ERG: variants seen among roughly 807,000 people sequenced by gnomAD.
ERG encodes the protein transcriptional regulator ERG.
Under a neutral mutation model 55.3 loss-of-function variants are expected in ERG, and 9 were observed. The observed-to-expected ratio is 0.16, with a 90% CI of 0.10 to 0.28. The LOEUF (loss-of-function observed/expected upper bound fraction) is 0.28, where lower values mean the gene tolerates loss of function less well. Among genes scored for constraint, ERG ranks in the 10% least tolerant of loss-of-function variants. The pLI is 1.00. For missense variants in ERG, 434 were observed against 631.6 expected (o/e 0.69, Z 3.35); for synonymous variants, 223 against 237.3 (o/e 0.94, Z 0.55).
In ERG at chr21:38,381,065, A is replaced by C; in HGVS notation, c.*2338T>G. On this transcript the variant is annotated 3_prime_UTR_variant, in exon 10 of 10. Coordinates refer to ENST00000288319, the MANE Select transcript of ERG (RefSeq NM_182918.4). Reference sequence around the variant, plus strand: ...TTCCCAGGCTGCTGCAAAATGATGGATGGTTGGGCTCCGTCTAATCCAAAT... The same window carrying C: ...TTCCCAGGCTGCTGCAAAATGATGGCTGGTTGGGCTCCGTCTAATCCAAAT... The C allele has an allele frequency of 9.4e-7, 1 of 1,064,684 alleles. No individual in the cohort carries two copies. Among genetic ancestry groups the C allele is most frequent in the Non-Finnish European group, 1.1e-6 (1 of 878,868 alleles). 66.0% of individuals were successfully genotyped at this position (1,064,684 alleles called of 1,614,324 possible). A position where few individuals can be genotyped will look rare whatever the true frequency, so the allele number is the denominator to read the frequency against.
intron 2 of ERG, among the ~76,000 whole-genome samples, chr21:38,515,801 G>A (rs2059547306): frequency 6.6e-6 from 1 of 151,896 alleles, no homozygotes; most frequent in Non-Finnish European, 1.5e-5. Context: ...CAAGTGGGAT[G>A]TATCCCAGAG....
chr21:38,634,384 T>C (rs1281088645), intron 1 of ERG, among the ~76,000 whole-genome samples: 1 of 152,170 alleles, frequency 6.6e-6, no homozygotes, highest in African/African-American at 2.4e-5. Flanking sequence ...AACACAGCTG[T>C]GCATAACGGG....
At chr21:38,504,643 G>C (rs113568484) in intron 2 of ERG, among the ~76,000 whole-genome samples, 2 of 152,158 alleles carry the variant, frequency 1.3e-5, no homozygotes, top group East Asian at 1.9e-4. Flanking sequence ...TGCCCATAAG[G>C]CTTCGTATGC....
intron 2 of ERG, among the ~76,000 whole-genome samples, chr21:38,523,051 T>C (rs908372799): frequency 3.9e-5 from 6 of 152,240 alleles, no homozygotes; most frequent in African/African-American, 1.4e-4. Flanking sequence ...AAAAATGGTT[T>C]CTCAAAGGAG....
chr21:38,498,300 G>A lies in ERG; in HGVS notation c.18+63C>T. Reference sequence around the variant, plus strand: ...CCCTAACTTATCTGCCTTGATAAAGGAAACCAAAGAAAAGAGTAACAAGAA... The same window carrying A: ...CCCTAACTTATCTGCCTTGATAAAGAAAACCAAAGAAAAGAGTAACAAGAA... On this transcript the variant is annotated intron_variant, in intron 1 of 9. Transcript: ENST00000288319. This position sits in a 1 kb window ranked among gnomAD's most constrained non-coding sequence, Gnocchi z 4.6. The A allele has an allele frequency of 6.8e-7, 1 of 1,460,720 alleles. No homozygotes were observed. Among genetic ancestry groups the A allele is most frequent in the Non-Finnish European group, 9.6e-7 (1 of 1,044,886 alleles). 90.5% of individuals were successfully genotyped at this position (1,460,720 alleles called of 1,614,324 possible). A position where few individuals can be genotyped will look rare whatever the true frequency, so the allele number is the denominator to read the frequency against.
At chr21:38,602,547 C>T (rs1443718153) in intron 1 of ERG, among the ~76,000 whole-genome samples, 3 of 151,912 alleles carry the variant, frequency 2.0e-5, no homozygotes, top group Non-Finnish European at 4.4e-5. Context: ...TTTAACGGGG[C>T]AGGGGATAAG....
chr21:38,497,933 G>A (rs1033596150), intron 1 of ERG, among the ~76,000 whole-genome samples: 1 of 152,170 alleles, frequency 6.6e-6, no homozygotes. Context: ...TGGCATCCCT[G>A]ATGCTAAGGA....
chr21:38,575,738 A>G (rs1439236141), exon 2 of ERG: 3 of 1,613,378 alleles, frequency 1.9e-6, no homozygotes, highest in South Asian at 2.2e-5. Context: ...AGCTGTTCAG[A>G]ACCTGACGGC....
intron 2 of ERG, among the ~76,000 whole-genome samples, chr21:38,533,967 T>G (rs928062654): frequency 2.0e-5 from 3 of 152,136 alleles, no homozygotes; most frequent in Admixed American, 2.0e-4. Flanking sequence ...AAGGAACAAG[T>G]GCTCTCACCC....
chr21:38,391,178 C>A, intron 8 of ERG, 136 bp from the exon 9 acceptor site: 1 of 710,036 alleles, frequency 1.4e-6, no homozygotes, highest in Non-Finnish European at 2.5e-6. Context: ...AAATCAACTG[C>A]CTCCACCTCC....
At chr21:38,456,818 A>G (rs1048509542) in intron 1 of ERG, among the ~76,000 whole-genome samples, 10 of 152,300 alleles carry the variant, frequency 6.6e-5, no homozygotes, top group Non-Finnish European at 4.4e-5. Flanking sequence ...CAGCACATAA[A>G]TATATCCTGG....
chr21:38,556,097 A>G (rs2059856626), intron 2 of ERG, among the ~76,000 whole-genome samples: 1 of 152,160 alleles, frequency 6.6e-6, no homozygotes, highest in Non-Finnish European at 1.5e-5. Context: ...ATGAAATTGC[A>G]TAGGTCACTA....
chr21:38,594,920 A>C (rs2060122163), intron 1 of ERG, among the ~76,000 whole-genome samples: 1 of 152,130 alleles, frequency 6.6e-6, no homozygotes, highest in South Asian at 2.1e-4. Context: ...GATGGCTGAG[A>C]AGGGATTTGC....
intron 2 of ERG, among the ~76,000 whole-genome samples, chr21:38,567,543 CAA>C (rs1237405114): frequency 6.6e-6 from 1 of 152,172 alleles, no homozygotes; most frequent in East Asian, 1.9e-4. Context: ...GGCAGCATAT[CAA>C]AGACTTACAT....
chr21:38,538,081 A>C (rs1261475625), intron 2 of ERG, among the ~76,000 whole-genome samples: 2 of 152,206 alleles, frequency 1.3e-5, no homozygotes, highest in Admixed American at 1.3e-4. Context: ...AAAAGGACAA[A>C]TGCTGTACGA....
chr21:38,414,398 T>A (rs950308524), intron 3 of ERG, among the ~76,000 whole-genome samples: 4 of 152,202 alleles, frequency 2.6e-5, no homozygotes, highest in Admixed American at 2.6e-4. Context: ...CTTCAGCATA[T>A]CTTGTGAGGG....
intron 2 of ERG, among the ~76,000 whole-genome samples, chr21:38,557,138 T>A (rs2059863360): frequency 6.6e-6 from 1 of 152,160 alleles, no homozygotes; most frequent in Admixed American, 6.5e-5. Flanking sequence ...GAAGAGAAAG[T>A]TCTAAATGTT....
Position 38,658,977 on chromosome 21 carries a change from C to T in ERG, c.-150+2681G>A, listed in dbSNP as rs138019685. ...AATTCCTCATGAAATAACAGATAAA[C>T]GTGAAATCATGTACTACAATTCTAC... On this transcript the variant is annotated intron_variant, in intron 1 of 10. Transcript: ENST00000398910. Among the ~76,000 whole-genome samples the T allele has an allele frequency of 1.4e-4, 21 of 152,074 alleles. No homozygotes were observed. The East Asian group carries it at 3.3e-3, about 24-fold the overall frequency.
Position 38,380,564 on chromosome 21 carries a change from A to G in ERG, c.*2839T>C, listed in dbSNP as rs1987380501. On this transcript the variant is annotated 3_prime_UTR_variant, in exon 10 of 10. Transcript: ENST00000288319. ...CAGGGCAAGCCAAGAGACAGGGACA[A>G]ACAGAGAGAAAAGGTTCATGCAATT... 1.9e-6 allele frequency: 2 copies of G among 1,065,590 alleles called. No homozygotes were observed. The highest frequency in any genetic ancestry group is 3.3e-5 in the African/African-American group (2 of 61,206). The allele number at this position is 1,065,590 out of a possible 1,614,324, so 66.0% of individuals were successfully genotyped here. A position where few individuals can be genotyped will look rare whatever the true frequency, so the allele number is the denominator to read the frequency against.
Sources: allele counts gnomAD v4.1 joint callset (sites outside exome capture counted in the v4.1 genomes callset), GRCh38; gene constraint gnomAD v4.1.1; non-coding constraint Gnocchi (gnomAD v3.1); transcripts MANE v1.5; gene names NCBI Gene and HGNC (gene_info 2026-07-23, HGNC 2026-07-21).